Variants in HEATR4 observed in about 807,000 individuals in gnomAD.
The protein encoded by HEATR4 is HEAT repeat containing 4.
Under a neutral mutation model 108.8 loss-of-function variants are expected in HEATR4, and 95 were observed. That is an observed-to-expected ratio of 0.87 (90% confidence interval 0.74 to 1.04). The LOEUF (loss-of-function observed/expected upper bound fraction) is 1.04, where lower values mean the gene tolerates loss of function less well. Ranked by LOEUF, HEATR4 falls within the 50% of genes least tolerant of loss-of-function variation. The pLI is 0.00. For synonymous variants in HEATR4, 443 were observed against 459.4 expected (o/e 0.96, Z 0.46); for missense variants, 1,152 against 1,253.8 (o/e 0.92, Z 1.23).
At chr14:73,619,305 C>A in the HEATR4 span, 1 of 1,613,268 alleles carries the variant, frequency 6.2e-7, no homozygotes, top group East Asian at 2.2e-5. Flanking sequence ...TGGCTTCTTT[C>A]TTGAAGGGCA....
chr14:73,627,314 C>T, the HEATR4 span, among the ~76,000 whole-genome samples: 1 of 152,108 alleles, frequency 6.6e-6, no homozygotes, highest in South Asian at 2.1e-4. Context: ...CAGACACCAG[C>T]TGGGTGTCCT....
At chr14:73,501,092 T>A (rs1174271020) in intron 11 of HEATR4, among the ~76,000 whole-genome samples, 1 of 151,946 alleles carries the variant, frequency 6.6e-6, no homozygotes, top group East Asian at 1.9e-4. Flanking sequence ...TGCAGTCTTT[T>A]TGTTTGTTTG....
intron 17 of HEATR4, chr14:73,491,668 C>A (rs778314813): frequency 6.5e-7 from 1 of 1,550,110 alleles, no homozygotes. Context: ...CGCCAGATCA[C>A]TTTTACCGGC....
the HEATR4 span, chr14:73,569,950 C>T: frequency 1.3e-6 from 2 of 1,516,758 alleles, no homozygotes; most frequent in African/African-American, 1.4e-5. Flanking sequence ...CCCCGCCCCA[C>T]GCTTTTCGCT....
At chr14:73,609,981 T>C in the HEATR4 span, among the ~76,000 whole-genome samples, 4 of 151,790 alleles carry the variant, frequency 2.6e-5, no homozygotes, top group Admixed American at 1.3e-4. Context: ...TTTTTTTTTT[T>C]AGACTAATTG....
chr14:73,596,813 G>A, the HEATR4 span, among the ~76,000 whole-genome samples: 4 of 151,980 alleles, frequency 2.6e-5, no homozygotes, highest in African/African-American at 9.7e-5. Context: ...TGGCCAGGCT[G>A]GTCTTGAACT....
the HEATR4 span, among the ~76,000 whole-genome samples, chr14:73,592,720 G>A: frequency 1.3e-5 from 2 of 152,126 alleles, no homozygotes; most frequent in Non-Finnish European, 2.9e-5. Context: ...CAGCCTGGTG[G>A]CACACGCCTG....
At chr14:73,619,514 C>G in the HEATR4 span, 1 of 1,614,094 alleles carries the variant, frequency 6.2e-7, no homozygotes, top group Non-Finnish European at 8.5e-7. Context: ...TTGGAAAAGG[C>G]GCAGGTGCCC....
intron 1 of HEATR4, among the ~76,000 whole-genome samples, chr14:73,549,363 A>C (rs1889286130): frequency 8.4e-6 from 1 of 118,540 alleles, no homozygotes; most frequent in Non-Finnish European, 1.9e-5. Flanking sequence ...GGGAGGAATT[A>C]ACAATCATGC....
At position 73,519,024 on chromosome 14, in the gene HEATR4, T is replaced by C; in HGVS notation, c.1209A>G (p.Ala403=). ...CTTCCCTGTTAGCTTCCTGCTTACA[T>C]GCTTCAGGAATTGCCTGGGCACTCC... ...EKWSAQAIPE[A]SYRPVQGALR... Residue 403 remains alanine, a splice_region_variant and synonymous_variant, in exon 5 of 18, where the codon GCA becomes GCG. Transcript: ENST00000553558. 1.2e-6 allele frequency: 2 copies of C among 1,611,938 alleles called. No individual in the cohort carries two copies. Among genetic ancestry groups the C allele is most frequent in the Non-Finnish European group, 1.7e-6 (2 of 1,178,972 alleles).
the HEATR4 span, chr14:73,575,012 C>T: frequency 1.3e-5 from 21 of 1,597,738 alleles, 1 homozygote; most frequent in Admixed American, 8.5e-5. Context: ...TCGTCATCAA[C>T]GGCTCTGTGG....
At chr14:73,508,105 CTG>C (rs749539439) in intron 9 of HEATR4, 27 bp downstream of exon 9, 9 of 1,608,158 alleles carry the variant, frequency 5.6e-6, no homozygotes, top group Non-Finnish European at 8.5e-7. Context: ...CTCCCCAAAA[CTG>C]TGTCTGACCC....
At chr14:73,601,759 T>C in the HEATR4 span, among the ~76,000 whole-genome samples, 1 of 152,198 alleles carries the variant, frequency 6.6e-6, no homozygotes, top group Admixed American at 6.5e-5. Flanking sequence ...TCCTCTTGAA[T>C]ACCAGTTATT....
At chr14:73,614,660 T>C in the HEATR4 span, among the ~76,000 whole-genome samples, 1 of 150,802 alleles carries the variant, frequency 6.6e-6, no homozygotes, top group East Asian at 1.9e-4. Context: ...GGTGGGAGAA[T>C]CGCTTGAACC....
At chr14:73,524,310 A>AAAAAATATATATATATATATATAT in intron 2 of HEATR4, among the ~76,000 whole-genome samples, 1 of 54,788 alleles carries the variant, frequency 1.8e-5, no homozygotes, top group African/African-American at 8.8e-5. Context: ...AAAAAAAAAA[A>AAAAAATATATATATATATATATAT]ATATATATAT....
the HEATR4 span, among the ~76,000 whole-genome samples, chr14:73,588,902 T>C: frequency 6.6e-6 from 1 of 152,166 alleles, no homozygotes; most frequent in Non-Finnish European, 1.5e-5. Flanking sequence ...CTGGGTTGTT[T>C]ACTTTTTTTT....
intron 14 of HEATR4, among the ~76,000 whole-genome samples, chr14:73,497,343 A>G (rs1358460025): frequency 6.6e-6 from 1 of 152,166 alleles, no homozygotes; most frequent in Non-Finnish European, 1.5e-5. Flanking sequence ...TCTGGCCAAG[A>G]CAATATATTT....
the HEATR4 span, among the ~76,000 whole-genome samples, chr14:73,596,966 C>A: frequency 6.6e-6 from 1 of 152,024 alleles, no homozygotes; most frequent in East Asian, 1.9e-4. Flanking sequence ...AAACTGATGT[C>A]AAAGACATCA....
chr14:73,568,763 G>A, the HEATR4 span, among the ~76,000 whole-genome samples: 1 of 152,022 alleles, frequency 6.6e-6, no homozygotes, highest in Non-Finnish European at 1.5e-5. Context: ...ACACTTGTAA[G>A]GAATGAAGCT....
Sources: allele counts gnomAD v4.1 joint callset (sites outside exome capture counted in the v4.1 genomes callset), GRCh38; gene constraint gnomAD v4.1.1; transcripts MANE v1.5; gene names NCBI Gene and HGNC (gene_info 2026-07-23, HGNC 2026-07-21).